RFTN2: variants seen among roughly 807,000 people sequenced by gnomAD.
The protein encoded by RFTN2 is raftlin-2.
RFTN2 carries 34 observed loss-of-function variants against 52.7 expected under a neutral mutation model. The observed-to-expected ratio is 0.64, with a 90% CI of 0.49 to 0.86. RFTN2 has a LOEUF of 0.86. RFTN2 is among the 40% of genes least tolerant of loss of function. RFTN2 has a pLI of 0.00. For missense variants in RFTN2, 536 were observed against 600.1 expected, an observed-to-expected ratio of 0.89 and a Z score of 1.12; for synonymous variants, 203 against 217.7, an observed-to-expected ratio of 0.93 and a Z score of 0.59.
rs778212301 is a variant in RFTN2, at chr2:197,644,279, C to G, written c.324-7G>C. The G allele has an allele frequency of 6.6e-7, 1 of 1,510,644 alleles. No homozygotes were observed. The highest frequency in any genetic ancestry group is 1.1e-5 in the South Asian group (1 of 89,036). 93.6% of individuals were successfully genotyped at this position (1,510,644 alleles called of 1,614,324 possible). A position where few individuals can be genotyped will look rare whatever the true frequency, so the allele number is the denominator to read the frequency against. The stretch of plus-strand genomic sequence containing the variant: ...TGCTGCCGAATTCTTTGGGCTGTAA[C>G]AGAGGGAATATGTTTATGGTTGGAG... On this transcript the variant is annotated splice_region_variant and splice_polypyrimidine_tract_variant and intron_variant, in intron 2 of 8. Coordinates refer to ENST00000295049, the MANE Select transcript of RFTN2 (RefSeq NM_144629.3).
At position 197,572,172 on chromosome 2, in the gene RFTN2, C is replaced by T; in HGVS notation, c.1342G>A (p.Glu448Lys). The T allele has an allele frequency of 1.2e-6, 2 of 1,614,264 alleles. No individual in the cohort carries two copies. Among genetic ancestry groups the T allele is most frequent in the Non-Finnish European group, 1.7e-6 (2 of 1,180,044 alleles). The change falls in exon 9 of 9, where the codon GAG (glutamate) becomes AAG (lysine). Residue 448 changes from glutamate to lysine, a missense_variant. Coordinates refer to ENST00000295049, the MANE Select transcript of RFTN2 (RefSeq NM_144629.3). ...SQPAESRHLP[E>K]ECRLSPSREC... ...CGGGAGGGAGAAAGGCGGCACTCCT[C>T]AGGCAGGTGTCTGCTCTCTGCAGGT...
chr2:197,660,666 G>A (rs542880680), intron 1 of RFTN2, among the ~76,000 whole-genome samples: 43 of 151,204 alleles, frequency 2.8e-4, no homozygotes, highest in African/African-American at 1.0e-3. Context: ...AGTGATTCTC[G>A]TGTCTCAGCC....
At chr2:197,673,513 C>T (rs1489388944) in intron 1 of RFTN2, among the ~76,000 whole-genome samples, 1 of 152,132 alleles carries the variant, frequency 6.6e-6, no homozygotes, top group African/African-American at 2.4e-5. Context: ...GCGCCTGTAC[C>T]AAATAGGATC....
At chr2:197,659,622 A>G (rs1342828569) in intron 1 of RFTN2, among the ~76,000 whole-genome samples, 1 of 152,006 alleles carries the variant, frequency 6.6e-6, no homozygotes, top group Non-Finnish European at 1.5e-5. Flanking sequence ...GATCAAGACT[A>G]TCCTGGCCAA....
At chr2:197,664,122 G>A (rs949973369) in intron 1 of RFTN2, among the ~76,000 whole-genome samples, 4 of 151,930 alleles carry the variant, frequency 2.6e-5, no homozygotes, top group Non-Finnish European at 5.9e-5. Flanking sequence ...TCTTGGTATT[G>A]ATTTCTAGTT....
Position 197,646,619 on chromosome 2 carries a change from C to A in RFTN2, c.187G>T (p.Val63Leu), listed in dbSNP as rs759530414. Residue 63 changes from valine to leucine, a missense_variant, in exon 2 of 9, where the codon GTA (valine) becomes TTA (leucine). Transcript: ENST00000295049. ...AGATAATAGTTTTCCACTTTTGTTA[C>A]TATATCCAGAATTGAATTTATCTTG... ...VIKINSILDI[V>L]TKVENYYLKG... 4 of 1,613,166 alleles carry A rather than the reference C, an allele frequency of 2.5e-6. No homozygotes were observed. In the South Asian group the frequency reaches 4.4e-5, roughly 18 times the overall value.
Position 197,608,902 on chromosome 2 carries a change from G to T in RFTN2, c.1154+6974C>A, listed in dbSNP as rs577406098. The stretch of plus-strand genomic sequence containing the variant: ...GCGATGTTTGGTTTTCTCTTCTTGT[G>T]TTACTTTACTGAGAATGATGGTTTC... On this transcript the variant is annotated intron_variant, in intron 7 of 8. Coordinates refer to ENST00000295049, the MANE Select transcript of RFTN2 (RefSeq NM_144629.3). 5.3e-5 allele frequency among the ~76,000 whole-genome samples: 8 copies of T among 151,812 alleles called. No homozygotes were observed. In the East Asian group the frequency reaches 1.2e-3, roughly 22 times the overall value.
chr2:197,571,584 GA>G lies in RFTN2; in HGVS notation c.*423del, dbSNP rs149774158. On this transcript the variant is annotated 3_prime_UTR_variant, in exon 9 of 9. Coordinates refer to ENST00000295049, the MANE Select transcript of RFTN2 (RefSeq NM_144629.3). ...GCTGTGTGTGTGTATGAGAGAGAGA[GA>G]AAAAAAAAGAGAGAGAGAGGTTATT... 825 of 129,118 alleles carry G rather than the reference GA, an allele frequency of 6.4e-3. 11 individuals are homozygous for G. The highest frequency in any genetic ancestry group is 0.02 in the African/African-American group (689 of 34,464). The allele number at this position is 129,118 out of a possible 1,614,324, so 8.0% of individuals were successfully genotyped here. A position where few individuals can be genotyped will look rare whatever the true frequency, so the allele number is the denominator to read the frequency against.
intron 8 of RFTN2, among the ~76,000 whole-genome samples, chr2:197,579,117 C>T (rs1182185200): frequency 6.6e-6 from 1 of 152,208 alleles, no homozygotes; most frequent in Non-Finnish European, 1.5e-5. Context: ...CTCGGGAAGA[C>T]AGTCTTCCCT....
intron 8 of RFTN2, among the ~76,000 whole-genome samples, chr2:197,595,282 G>C (rs2087777881): frequency 6.6e-6 from 1 of 152,210 alleles, no homozygotes; most frequent in Admixed American, 6.5e-5. Flanking sequence ...AGAACTGTAA[G>C]GGCAGAAAAA....
chr2:197,670,186 A>G (rs559166158), intron 1 of RFTN2, among the ~76,000 whole-genome samples: 2 of 152,292 alleles, frequency 1.3e-5, no homozygotes, highest in East Asian at 3.9e-4. Flanking sequence ...AGAGTTGAAT[A>G]GTTGTGACAG....
rs567545813 is a variant in RFTN2, at chr2:197,590,829, C to T, written c.1233+5162G>A. Among the ~76,000 whole-genome samples the T allele has an allele frequency of 1.4e-3, 215 of 152,308 alleles. 3 individuals carry two copies. The highest frequency in any genetic ancestry group is 8.3e-3 in the South Asian group (40 of 4,828). ...CTGGCTGGCTTCAGGCGTGAAGCTGCAGACCTTCGCAGTAAGTGCTACAGC... is the reference window on the plus strand; with the variant it reads ...CTGGCTGGCTTCAGGCGTGAAGCTGTAGACCTTCGCAGTAAGTGCTACAGC... On this transcript the variant is annotated intron_variant, in intron 8 of 8. Coordinates refer to ENST00000295049, the MANE Select transcript of RFTN2 (RefSeq NM_144629.3).
At chr2:197,653,578 G>A (rs1574745031) in intron 1 of RFTN2, among the ~76,000 whole-genome samples, 1 of 151,908 alleles carries the variant, frequency 6.6e-6, no homozygotes, top group Admixed American at 6.5e-5. Flanking sequence ...AAACAATAGA[G>A]GTGAAAGAGA....
chr2:197,606,174 G>A (rs1272216696), intron 7 of RFTN2, among the ~76,000 whole-genome samples: 1 of 151,884 alleles, frequency 6.6e-6, no homozygotes, highest in East Asian at 1.9e-4. Flanking sequence ...CATCATCTTG[G>A]GGACATATCA....
intron 1 of RFTN2, among the ~76,000 whole-genome samples, chr2:197,668,039 G>A (rs1193938269): frequency 6.6e-6 from 1 of 152,146 alleles, no homozygotes; most frequent in East Asian, 1.9e-4. Flanking sequence ...CAACCTTTGG[G>A]TTGCAAGCAG....
At chr2:197,575,894 ATAATATAT>A in intron 8 of RFTN2, among the ~76,000 whole-genome samples, 1 of 142,254 alleles carries the variant, frequency 7.0e-6, no homozygotes, top group Non-Finnish European at 1.5e-5. Context: ...TATAATATAT[ATAATATAT>A]ATATGAAAAA....
At chr2:197,604,935 AT>A (rs1248746963) in intron 7 of RFTN2, among the ~76,000 whole-genome samples, 4 of 150,916 alleles carry the variant, frequency 2.7e-5, no homozygotes, top group Non-Finnish European at 4.4e-5. Context: ...TAATTTTTGT[AT>A]TTTTAGTACA....
intron 5 of RFTN2, among the ~76,000 whole-genome samples, chr2:197,624,640 A>T (rs978134220): frequency 1.4e-5 from 2 of 147,628 alleles, no homozygotes; most frequent in African/African-American, 2.5e-5. Context: ...CAATTGATGC[A>T]GCAAATTTCA....
chr2:197,636,874 G>T (rs1474274422), intron 3 of RFTN2, among the ~76,000 whole-genome samples: 1 of 150,082 alleles, frequency 6.7e-6, no homozygotes, highest in Non-Finnish European at 1.5e-5. Flanking sequence ...TTGGCTGTGG[G>T]TTTGTCATAG....
Sources: gnomAD v4.1 joint callset for allele counts (sites outside exome capture counted in the v4.1 genomes callset) on GRCh38, gnomAD v4.1.1 for gene constraint, MANE v1.5 for transcripts, NCBI Gene and HGNC (gene_info 2026-07-23, HGNC 2026-07-21) for gene names.